The following WDR83 variants were observed in gnomAD, a reference collection of about 807,000 sequenced individuals.
The protein encoded by WDR83 is WD repeat domain 83, also known as WD repeat domain-containing protein 83.
A neutral mutation model predicts 37.7 loss-of-function variants in WDR83; 37 were observed. That is an observed-to-expected ratio of 0.98 (90% confidence interval 0.76 to 1.29). The LOEUF (loss-of-function observed/expected upper bound fraction) is 1.29. WDR83 is among the 50% of genes most tolerant of loss of function. The probability of loss-of-function intolerance (pLI) is 0.00; values close to 1 mark genes in which losing one functional copy is unlikely to be tolerated. For synonymous variants in WDR83, 174 were observed against 181.1 expected (o/e 0.96, Z 0.31); for missense variants, 445 against 414.4 (o/e 1.07, Z -0.64).
chr19:12,673,618 A>G (rs1004050978), intron 10 of WDR83, among the ~76,000 whole-genome samples: 4 of 151,880 alleles, frequency 2.6e-5, no homozygotes, highest in African/African-American at 9.7e-5. Context: ...GGGTTTCACT[A>G]TGTTGGTCAG....
In WDR83 at chr19:12,672,828, G is replaced by A. The variant is rs1443805203; in HGVS notation, c.507-19G>A. ...GTGAGTGTAGTCAAGGTTCCCGCTG[G>A]ATCTACCCTCTCCTGCAGCTCCGTG... On this transcript the variant is annotated intron_variant, in intron 7 of 10. Transcript: ENST00000418543. 2 of 1,568,000 alleles carry A rather than the reference G, an allele frequency of 1.3e-6. No individual in the cohort carries two copies. The highest frequency in any genetic ancestry group is 1.2e-5 in the South Asian group (1 of 85,304).
chr19:12,674,450 G>C (rs1303710897), intron 10 of WDR83, among the ~76,000 whole-genome samples: 2 of 152,170 alleles, frequency 1.3e-5, no homozygotes, highest in African/African-American at 2.4e-5. Flanking sequence ...AGGGAACCGG[G>C]GGGGCCCTGA....
In WDR83 at chr19:12,675,802, G is replaced by C. The variant is rs1421261108; in HGVS notation, c.*130G>C. ...GGCTGGGTCTGCAAATTAATAAATA[G>C]AAGAGGGGGTAAGACCTTCCTGGGA... On this transcript the variant is annotated 3_prime_UTR_variant, in exon 11 of 11. Coordinates refer to ENST00000418543, the MANE Select transcript of WDR83 (RefSeq NM_001099737.3). 7.0e-6 allele frequency: 11 copies of C among 1,571,184 alleles called. No homozygotes were observed. Among genetic ancestry groups the C allele is most frequent in the Non-Finnish European group, 8.6e-6 (10 of 1,156,420 alleles).
At position 12,675,767 on chromosome 19, in the gene WDR83, G is replaced by A; in HGVS notation, c.*95G>A. 1 of 1,566,988 alleles carries A rather than the reference G, an allele frequency of 6.4e-7. No individual in the cohort carries two copies. The highest frequency in any genetic ancestry group is 8.7e-7 in the Non-Finnish European group (1 of 1,154,846). The stretch of plus-strand genomic sequence containing the variant: ...TTCTAGAGACGTAGCTGACCAAAAA[G>A]TAGGGGAGGGGCTGGGTCTGCAAAT... On this transcript the variant is annotated 3_prime_UTR_variant, in exon 11 of 11. Coordinates refer to ENST00000418543, the MANE Select transcript of WDR83 (RefSeq NM_001099737.3).
intron 7 of WDR83, chr19:12,672,166 T>G (rs1195193131): frequency 6.5e-6 from 1 of 152,862 alleles, no homozygotes; most frequent in Admixed American, 6.5e-5. Flanking sequence ...CAAACCGTGT[T>G]GTTCATGGGT....
rs1005332547 is a variant in WDR83, at chr19:12,670,820, G to A, written c.505G>A (p.Gly169Ser). 2 of 1,612,370 alleles carry A rather than the reference G, an allele frequency of 1.2e-6. No individual in the cohort carries two copies. Among genetic ancestry groups the A allele is most frequent in the African/African-American group, 2.7e-5 (2 of 74,886 alleles). ...VKVSDHEILA[G>S]SVDGRVRRYD... ...GGTGTCAGACCACGAGATCCTGGCA[G>A]GGTGAGTGGAGCCAGGACCTGGTCT... Residue 169 changes from glycine to serine, a missense_variant and splice_region_variant, in exon 7 of 11, where the codon GGC becomes AGC. Coordinates refer to ENST00000418543, the MANE Select transcript of WDR83 (RefSeq NM_001099737.3).
chr19:12,667,584 C>T (rs927862369), intron 1 of WDR83, among the ~76,000 whole-genome samples: 1 of 152,074 alleles, frequency 6.6e-6, no homozygotes, highest in African/African-American at 2.4e-5. Context: ...ACCTGGGAGG[C>T]GGAGGTTGCA....
intron 1 of WDR83, 187 bp from the exon 2 acceptor site, chr19:12,668,321 A>T: frequency 6.3e-7 from 1 of 1,587,778 alleles, no homozygotes; most frequent in Non-Finnish European, 8.6e-7. Context: ...GGCCTAGTGG[A>T]TAGACAGGGT....
At chr19:12,669,246 C>T in intron 2 of WDR83, 1 of 1,613,608 alleles carries the variant, frequency 6.2e-7, no homozygotes, top group Non-Finnish European at 8.5e-7. Context: ...GCGACAGGCT[C>T]GAGGGTCAGG....
Position 12,669,904 on chromosome 19 carries a change from T to G in WDR83, c.103+11T>G, listed in dbSNP as rs1568312284. 4 of 1,602,418 alleles carry G rather than the reference T, an allele frequency of 2.5e-6. No individual in the cohort carries two copies. The highest frequency in any genetic ancestry group is 2.6e-6 in the Non-Finnish European group (3 of 1,171,360). On this transcript the variant is annotated intron_variant, in intron 3 of 10. Transcript: ENST00000418543. ...CCGTACGATTTAATGGTGAGCGCCT[T>G]CGTCTTCATTCCGGGTCCTCCTCCC...
intron 1 of WDR83, chr19:12,667,972 G>T: frequency 4.9e-6 from 1 of 204,136 alleles, no homozygotes. Flanking sequence ...CAAATGAACA[G>T]CCAGAAGCCT....
At chr19:12,673,960 A>G (rs958296500) in intron 10 of WDR83, among the ~76,000 whole-genome samples, 2 of 152,160 alleles carry the variant, frequency 1.3e-5, no homozygotes, top group Non-Finnish European at 2.9e-5. Flanking sequence ...TCGGCCTCCC[A>G]AAGTGCTGGG....
Position 12,672,834 on chromosome 19 carries a change from C to T in WDR83, c.507-13C>T, listed in dbSNP as rs1439838908. 15 of 1,572,228 alleles carry T rather than the reference C, an allele frequency of 9.5e-6. No homozygotes were observed. Among genetic ancestry groups the T allele is most frequent in the Admixed American group, 3.7e-5 (2 of 53,632 alleles). The stretch of plus-strand genomic sequence containing the variant: ...GTAGTCAAGGTTCCCGCTGGATCTA[C>T]CCTCTCCTGCAGCTCCGTGGATGGC... On this transcript the variant is annotated splice_polypyrimidine_tract_variant and intron_variant, in intron 7 of 10. Coordinates refer to ENST00000418543, the MANE Select transcript of WDR83 (RefSeq NM_001099737.3).
At chr19:12,674,833 C>A (rs575590747) in intron 10 of WDR83, among the ~76,000 whole-genome samples, 2 of 151,954 alleles carry the variant, frequency 1.3e-5, no homozygotes, top group Non-Finnish European at 2.9e-5. Context: ...AAAAGACTCC[C>A]GGCCAGGCAT....
rs771931595 is a variant in WDR83, at chr19:12,670,092, G to A, written c.219G>A (p.Ala73=). 1.5e-5 allele frequency: 24 copies of A among 1,610,126 alleles called. No individual in the cohort carries two copies. Among genetic ancestry groups the A allele is most frequent in the Non-Finnish European group, 2.0e-5 (24 of 1,177,436 alleles). Residue 73 remains alanine (A), a synonymous_variant, in exon 4 of 11, where the codon GCG becomes GCA. Transcript: ENST00000418543. ...YSGHGYEVLD[A]AGSFDNSSLC... is the part of the protein sequence containing the mutation. ...GCCACGGCTACGAGGTGCTGGATGC[G>A]GCCGGGTGAGCCGGGGACCAGGCTG...
rs1242043440 is a variant in WDR83 at position 12,675,533 on chromosome 19, C to T, written c.809C>T (p.Ala270Val). The T allele has an allele frequency of 2.5e-6, 4 of 1,605,046 alleles. No individual in the cohort carries two copies. Among genetic ancestry groups the T allele is most frequent in the Non-Finnish European group, 3.4e-6 (4 of 1,179,952 alleles). Residue 270 changes from alanine to valine, a missense_variant, in exon 11 of 11, where the codon GCT becomes GTT. By Grantham distance (64) the Ala-to-Val change is moderately conservative. Coordinates refer to ENST00000418543, the MANE Select transcript of WDR83 (RefSeq NM_001099737.3). ...CCCCTCGCTCCACAGGGTGCGCTGG[C>T]TCTGGCCCTGCCTGTGGGTTCCGGT... ...FFWDLVEGAL[A>V]LALPVGSGVV... is the part of the protein sequence containing the mutation.
chr19:12,672,713 G>A (rs1176312076), intron 7 of WDR83, 134 bp from the exon 8 acceptor site: 3 of 915,638 alleles, frequency 3.3e-6, no homozygotes, highest in East Asian at 2.7e-5. Context: ...CTGGGCCTGA[G>A]TCTCAAGGCC....
chr19:12,673,323 T>C lies in WDR83; in HGVS notation c.798+7T>C. ...CTTCTGGGACCTGGTGGAGGTGAGG[T>C]GCCCCCAGCCCTACTTCATACCTAG... is the stretch of plus-strand genomic sequence containing the variant. On this transcript the variant is annotated splice_region_variant and intron_variant, in intron 10 of 10. Transcript: ENST00000418543. 1 of 1,571,022 alleles carries C rather than the reference T, an allele frequency of 6.4e-7. No individual in the cohort carries two copies. Among genetic ancestry groups the C allele is most frequent in the South Asian group, 1.1e-5 (1 of 90,344 alleles).
At chr19:12,674,939 C>G (rs2024527838) in intron 10 of WDR83, among the ~76,000 whole-genome samples, 1 of 150,812 alleles carries the variant, frequency 6.6e-6, no homozygotes, top group African/African-American at 2.4e-5. Context: ...CATGGTGAAA[C>G]CCCATCTGTA....
Sources: allele counts gnomAD v4.1 joint callset (sites outside exome capture counted in the v4.1 genomes callset), GRCh38; gene constraint gnomAD v4.1.1; transcripts MANE v1.5; gene names NCBI Gene and HGNC (gene_info 2026-07-23, HGNC 2026-07-21).